The following SRD5A2 variants were observed in gnomAD, a reference collection of about 807,000 sequenced individuals.
The protein encoded by SRD5A2 is steroid 5 alpha-reductase 2.
Under a neutral mutation model 27.4 loss-of-function variants are expected in SRD5A2, and 30 were observed. The ratio of observed to expected loss-of-function variants is 1.10; its 90% CI spans 0.82 to 1.49. The LOEUF (loss-of-function observed/expected upper bound fraction) is 1.49. SRD5A2 is among the 40% of genes most tolerant of loss of function. The pLI, the probability that SRD5A2 is intolerant of heterozygous loss-of-function variation, is 0.00. For synonymous variants in SRD5A2, 141 were observed against 133.6 expected (o/e 1.06, Z -0.38); for missense variants, 348 against 323.4 (o/e 1.08, Z -0.58).
chr2:31,573,623 A>C (rs1186039894), intron 1 of SRD5A2, among the ~76,000 whole-genome samples: 1 of 152,176 alleles, frequency 6.6e-6, no homozygotes, highest in Non-Finnish European at 1.5e-5. Context: ...AGGGCCCTTC[A>C]TTAGAGCATC....
the SRD5A2 span, among the ~76,000 whole-genome samples, chr2:31,604,111 G>A: frequency 1.3e-5 from 2 of 151,668 alleles, no homozygotes; most frequent in Non-Finnish European, 3.0e-5. Flanking sequence ...CTCAAAAACT[G>A]GGTATAGAAG....
the SRD5A2 span, among the ~76,000 whole-genome samples, chr2:31,644,021 T>C: frequency 1.3e-5 from 2 of 152,186 alleles, no homozygotes; most frequent in Non-Finnish European, 2.9e-5. Flanking sequence ...TTATTAATCA[T>C]AGGGGAAGAT....
chr2:31,649,007 G>C, the SRD5A2 span, among the ~76,000 whole-genome samples: 2 of 152,150 alleles, frequency 1.3e-5, no homozygotes, highest in East Asian at 1.9e-4. Flanking sequence ...ACTTCAGTCA[G>C]CTCCTGAAAT....
At chr2:31,561,990 G>A (rs984029210) in intron 1 of SRD5A2, among the ~76,000 whole-genome samples, 1 of 152,078 alleles carries the variant, frequency 6.6e-6, no homozygotes, top group African/African-American at 2.4e-5. Flanking sequence ...ACAAAATCAA[G>A]AAAATACAAA....
chr2:31,581,381 T>G (rs1275801052), upstream of SRD5A2, among the ~76,000 whole-genome samples: 1 of 151,982 alleles, frequency 6.6e-6, no homozygotes, highest in Non-Finnish European at 1.5e-5. Flanking sequence ...CCTCATGCAC[T>G]TTCACTCCCT....
intron 1 of SRD5A2, among the ~76,000 whole-genome samples, chr2:31,536,914 G>T (rs554120725): frequency 6.1e-4 from 93 of 152,134 alleles, no homozygotes; most frequent in African/African-American, 2.2e-3. Context: ...TTTTATGTTT[G>T]TTCTTATAGA....
intron 1 of SRD5A2, among the ~76,000 whole-genome samples, chr2:31,544,462 A>C (rs1209621520): frequency 6.6e-6 from 1 of 151,974 alleles, no homozygotes; most frequent in African/African-American, 2.4e-5. Context: ...AAATTAATGG[A>C]TCAAAAGAGA....
the SRD5A2 span, among the ~76,000 whole-genome samples, chr2:31,644,015 T>G: frequency 6.6e-6 from 1 of 152,312 alleles, no homozygotes; most frequent in South Asian, 2.1e-4. Flanking sequence ...ATCAATTTAT[T>G]AATCATAGGG....
chr2:31,599,915 G>A, the SRD5A2 span, among the ~76,000 whole-genome samples: 31 of 146,772 alleles, frequency 2.1e-4, no homozygotes, highest in East Asian at 8.0e-4. Flanking sequence ...TTTGTTGTAC[G>A]GATATTTAAT....
chr2:31,658,959 G>A, the SRD5A2 span, among the ~76,000 whole-genome samples: 1 of 151,978 alleles, frequency 6.6e-6, no homozygotes. Flanking sequence ...GCAAAAATCT[G>A]CAACAAAATA....
chr2:31,623,278 C>T, the SRD5A2 span, among the ~76,000 whole-genome samples: 1 of 151,982 alleles, frequency 6.6e-6, no homozygotes, highest in Non-Finnish European at 1.5e-5. Context: ...CATTTCCATA[C>T]TCTAAGATAA....
chr2:31,553,878 A>G (rs1360946103), intron 1 of SRD5A2, among the ~76,000 whole-genome samples: 1 of 152,172 alleles, frequency 6.6e-6, no homozygotes, highest in African/African-American at 2.4e-5. Flanking sequence ...TGGCTGCTGT[A>G]ACAGGGGTTA....
At chr2:31,551,657 A>T (rs1422197358) in intron 1 of SRD5A2, among the ~76,000 whole-genome samples, 1 of 152,186 alleles carries the variant, frequency 6.6e-6, no homozygotes, top group African/African-American at 2.4e-5. Flanking sequence ...TTTTGCTTTC[A>T]TACCTTCATA....
the SRD5A2 span, among the ~76,000 whole-genome samples, chr2:31,616,311 G>A: frequency 2.6e-5 from 4 of 152,122 alleles, no homozygotes; most frequent in Non-Finnish European, 5.9e-5. Flanking sequence ...GTGAGAAGAG[G>A]GCCACCATCC....
the SRD5A2 span, among the ~76,000 whole-genome samples, chr2:31,656,520 G>A: frequency 2.0e-5 from 3 of 152,148 alleles, no homozygotes; most frequent in African/African-American, 4.8e-5. Flanking sequence ...CAAGGGCTCT[G>A]CCCTCATAAA....
chr2:31,612,909 C>A, the SRD5A2 span, among the ~76,000 whole-genome samples: 1 of 152,096 alleles, frequency 6.6e-6, no homozygotes, highest in African/African-American at 2.4e-5. Flanking sequence ...CAAGAACACA[C>A]CATAGGGAAA....
chr2:31,545,982 ATACT>A, intron 1 of SRD5A2, among the ~76,000 whole-genome samples: 1 of 152,352 alleles, frequency 6.6e-6, no homozygotes, highest in Admixed American at 6.5e-5. Flanking sequence ...AACAAATAAA[ATACT>A]TAGGAATTAA....
the SRD5A2 span, among the ~76,000 whole-genome samples, chr2:31,635,292 G>C: frequency 6.6e-6 from 1 of 152,052 alleles, no homozygotes; most frequent in East Asian, 1.9e-4. Flanking sequence ...GCATTTCTCT[G>C]ATGATAGGTG....
At chr2:31,526,939 C>T (rs1427454197) in intron 4 of SRD5A2, 1 of 152,286 alleles carries the variant, frequency 6.6e-6, no homozygotes, top group African/African-American at 2.4e-5. Context: ...GAGACAGAGA[C>T]ACACAGGAGA....
Sources: gnomAD v4.1 joint callset for allele counts (sites outside exome capture counted in the v4.1 genomes callset) on GRCh38, gnomAD v4.1.1 for gene constraint, MANE v1.5 for transcripts, NCBI Gene and HGNC (gene_info 2026-07-23, HGNC 2026-07-21) for gene names.